Variants in NT5DC1 observed in about 807,000 individuals in gnomAD.
NT5DC1 encodes the protein 5'-nucleotidase domain-containing protein 1.
A neutral mutation model predicts 59.4 loss-of-function variants in NT5DC1; 42 were observed. The ratio of observed to expected loss-of-function variants is 0.71; its 90% CI spans 0.55 to 0.92. The LOEUF (loss-of-function observed/expected upper bound fraction) is 0.92, where lower values mean the gene tolerates loss of function less well. Ranked by LOEUF, NT5DC1 falls within the 40% of genes least tolerant of loss-of-function variation. NT5DC1 has a pLI of 0.00. For missense variants in NT5DC1, 501 were observed against 537.1 expected (o/e 0.93, Z 0.66); for synonymous variants, 172 against 188.1 (o/e 0.91, Z 0.70).
At chr6:116,156,979 A>G (rs545403833) in intron 6 of NT5DC1, among the ~76,000 whole-genome samples, 1 of 152,074 alleles carries the variant, frequency 6.6e-6, no homozygotes, top group Admixed American at 6.5e-5. Context: ...CATTTTCCTC[A>G]TCATAGCTTG....
intron 2 of NT5DC1, 80 bp downstream of exon 2, chr6:116,106,415 T>C: frequency 1.4e-6 from 1 of 700,430 alleles, no homozygotes; most frequent in South Asian, 1.6e-5. Context: ...CTGTAATGCT[T>C]TCTCTTCTAA....
chr6:116,121,185 C>G (rs755381030), intron 6 of NT5DC1: 10 of 1,613,348 alleles, frequency 6.2e-6, no homozygotes, highest in Non-Finnish European at 5.1e-6. Context: ...CCAGCAGGTC[C>G]TCTTTCTCCC....
intron 8 of NT5DC1, among the ~76,000 whole-genome samples, chr6:116,225,112 G>A (rs899044535): frequency 6.6e-6 from 1 of 152,148 alleles, no homozygotes; most frequent in Non-Finnish European, 1.5e-5. Context: ...GTGAGTAGAT[G>A]GTGGTACCAT....
intron 6 of NT5DC1, among the ~76,000 whole-genome samples, chr6:116,147,622 A>G (rs1289971965): frequency 1.3e-5 from 2 of 152,188 alleles, no homozygotes; most frequent in Non-Finnish European, 1.5e-5. Context: ...CCTTAAACCT[A>G]TGCAAAGATT....
chr6:116,191,890 A>G (rs1781126078), intron 6 of NT5DC1, among the ~76,000 whole-genome samples: 1 of 152,092 alleles, frequency 6.6e-6, no homozygotes, highest in South Asian at 2.1e-4. Flanking sequence ...AGGAGGCATT[A>G]TCAGTGATAA....
chr6:116,176,146 A>G (rs1046068092), intron 6 of NT5DC1, among the ~76,000 whole-genome samples: 1 of 152,176 alleles, frequency 6.6e-6, no homozygotes, highest in African/African-American at 2.4e-5. Flanking sequence ...TTTGCTACCT[A>G]TGGTAGACCA....
chr6:116,178,261 A>G (rs1780796994), intron 6 of NT5DC1, among the ~76,000 whole-genome samples: 2 of 152,106 alleles, frequency 1.3e-5, no homozygotes, highest in Non-Finnish European at 2.9e-5. Context: ...CCATCCAAGT[A>G]CTAACCAGGC....
chr6:116,191,049 T>C (rs1181488453), intron 6 of NT5DC1, among the ~76,000 whole-genome samples: 1 of 151,900 alleles, frequency 6.6e-6, no homozygotes, highest in East Asian at 1.9e-4. Flanking sequence ...GCACAGTGAG[T>C]TGTTGTTAGA....
chr6:116,132,267 C>T (rs756939195), intron 6 of NT5DC1, among the ~76,000 whole-genome samples: 17 of 152,018 alleles, frequency 1.1e-4, no homozygotes, highest in Non-Finnish European at 2.1e-4. Flanking sequence ...TAATTTTTGT[C>T]CACCTTAGAG....
intron 6 of NT5DC1, among the ~76,000 whole-genome samples, chr6:116,152,193 A>G (rs1295729474): frequency 1.3e-5 from 2 of 152,176 alleles, no homozygotes; most frequent in African/African-American, 4.8e-5. Flanking sequence ...ACTAGTTTGA[A>G]GATTTAGAAT....
chr6:116,182,789 C>A lies in NT5DC1; in HGVS notation c.530-38265C>A, dbSNP rs548654763. On this transcript the variant is annotated intron_variant, in intron 6 of 11. Coordinates refer to ENST00000319550, the MANE Select transcript of NT5DC1 (RefSeq NM_152729.3). Reference sequence around the variant, plus strand: ...TCCTTGTAGAGTCTAGATATTACTCCTTTGTTGGATGTATAGATTGTAAAG... The same window carrying A: ...TCCTTGTAGAGTCTAGATATTACTCATTTGTTGGATGTATAGATTGTAAAG... 2.3e-4 allele frequency among the ~76,000 whole-genome samples: 35 copies of A among 152,036 alleles called. No individual in the cohort carries two copies. The South Asian group carries it at 7.3e-3, about 32-fold the overall frequency.
intron 6 of NT5DC1, among the ~76,000 whole-genome samples, chr6:116,133,074 C>T (rs969931308): frequency 1.2e-4 from 18 of 152,144 alleles, no homozygotes; most frequent in African/African-American, 4.3e-4. Flanking sequence ...AAAGTTTTAA[C>T]AAGGGCTTTA....
chr6:116,173,293 A>G (rs559367962), intron 6 of NT5DC1, among the ~76,000 whole-genome samples: 1 of 152,318 alleles, frequency 6.6e-6, no homozygotes, highest in East Asian at 1.9e-4. Flanking sequence ...AAGAGTTGCA[A>G]AATTTAAAAC....
At chr6:116,208,056 A>G (rs556182121) in intron 6 of NT5DC1, among the ~76,000 whole-genome samples, 137 of 152,070 alleles carry the variant, frequency 9.0e-4, no homozygotes, top group African/African-American at 3.2e-3. Flanking sequence ...ATAATTGAGC[A>G]CTTCAGTCCT....
intron 1 of NT5DC1, among the ~76,000 whole-genome samples, chr6:116,105,529 T>C (rs1029715145): frequency 3.9e-5 from 6 of 152,216 alleles, no homozygotes; most frequent in African/African-American, 1.4e-4. Flanking sequence ...GGTTGGACCA[T>C]CTACCTTTTG....
At chr6:116,161,204 G>T (rs1421786610) in intron 6 of NT5DC1, among the ~76,000 whole-genome samples, 3 of 114,350 alleles carry the variant, frequency 2.6e-5, no homozygotes, top group Admixed American at 1.0e-4. Flanking sequence ...GGTGGGGGGA[G>T]GGGGGAGGGA....
intron 6 of NT5DC1, among the ~76,000 whole-genome samples, chr6:116,195,612 CAT>C (rs935754858): frequency 2.6e-5 from 4 of 151,944 alleles, no homozygotes; most frequent in African/African-American, 9.7e-5. Flanking sequence ...CTCAAATGTA[CAT>C]AATCAGGGGT....
intron 6 of NT5DC1, among the ~76,000 whole-genome samples, chr6:116,118,664 A>G (rs1278983799): frequency 6.6e-6 from 1 of 152,260 alleles, no homozygotes; most frequent in Non-Finnish European, 1.5e-5. Context: ...TGTCAAGACA[A>G]TAAATAGTAA....
At chr6:116,206,384 T>G (rs570127362) in intron 6 of NT5DC1, among the ~76,000 whole-genome samples, 3 of 152,046 alleles carry the variant, frequency 2.0e-5, no homozygotes, top group Non-Finnish European at 4.4e-5. Flanking sequence ...GTGATCATTT[T>G]ATAGATAAGC....
Sources: allele counts gnomAD v4.1 joint callset (sites outside exome capture counted in the v4.1 genomes callset), GRCh38; gene constraint gnomAD v4.1.1; transcripts MANE v1.5; gene names NCBI Gene and HGNC (gene_info 2026-07-23, HGNC 2026-07-21).